MSRA: variants seen among roughly 807,000 people sequenced by gnomAD.
The protein encoded by MSRA is mitochondrial peptide methionine sulfoxide reductase.
In MSRA, 54 loss-of-function variants were observed where a neutral mutation model predicts 31.3. That is an observed-to-expected ratio of 1.73 (90% CI 1.39 to 2.17). The LOEUF is 2.17. Among genes scored for constraint, MSRA ranks in the 30% most tolerant of loss-of-function variants. The pLI is 0.00. For synonymous variants in MSRA, 169 were observed against 116.5 expected (o/e 1.45, Z -2.90); for missense variants, 507 against 300.9 (o/e 1.69, Z -5.07).
chr8:10,357,545 T>C (rs891845690), intron 5 of MSRA, among the ~76,000 whole-genome samples: 1 of 152,220 alleles, frequency 6.6e-6, no homozygotes, highest in Non-Finnish European at 1.5e-5. Flanking sequence ...TCCTTCACAT[T>C]GGCTCTGGGG....
chr8:10,081,433 TC>T (rs1798287446), intron 1 of MSRA, among the ~76,000 whole-genome samples: 1 of 152,164 alleles, frequency 6.6e-6, no homozygotes, highest in Non-Finnish European at 1.5e-5. Context: ...CATGATTACT[TC>T]CGCCTCAAGG....
chr8:10,159,957 G>A (rs958772650), intron 1 of MSRA, among the ~76,000 whole-genome samples: 2 of 152,142 alleles, frequency 1.3e-5, no homozygotes, highest in Non-Finnish European at 2.9e-5. Flanking sequence ...GTTTCCTTTG[G>A]TTTTCCCCAG....
intron 1 of MSRA, among the ~76,000 whole-genome samples, chr8:10,124,283 A>G (rs1585201834): frequency 6.6e-6 from 1 of 152,120 alleles, no homozygotes; most frequent in East Asian, 1.9e-4. Context: ...GAAGATTGGC[A>G]GGCGAGAGAG....
intron 1 of MSRA, among the ~76,000 whole-genome samples, chr8:10,123,711 A>G (rs1801291392): frequency 6.6e-6 from 1 of 152,110 alleles, no homozygotes; most frequent in African/African-American, 2.4e-5. Flanking sequence ...AATCTTCTGC[A>G]TGTGGTTAGC....
chr8:10,391,970 G>T (rs17765901), intron 5 of MSRA, among the ~76,000 whole-genome samples: 59,834 of 152,036 alleles, frequency 0.39, 12,914 homozygotes, highest in Non-Finnish European at 0.5. Flanking sequence ...TCCAAAAGGT[G>T]GTATTTTAGG....
At chr8:10,163,381 G>C (rs1318045902) in intron 1 of MSRA, among the ~76,000 whole-genome samples, 1 of 152,172 alleles carries the variant, frequency 6.6e-6, no homozygotes, top group East Asian at 1.9e-4. Flanking sequence ...CCACCTTATG[G>C]GCTGCTATGA....
chr8:10,260,014 G>A (rs974433388), intron 3 of MSRA, among the ~76,000 whole-genome samples: 2 of 152,376 alleles, frequency 1.3e-5, no homozygotes, highest in East Asian at 3.9e-4. Context: ...CTGCGTCACT[G>A]AGAATGCATC....
At chr8:10,331,915 GT>G (rs1356500316) in intron 5 of MSRA, among the ~76,000 whole-genome samples, 1 of 152,056 alleles carries the variant, frequency 6.6e-6, no homozygotes, top group Non-Finnish European at 1.5e-5. Flanking sequence ...TTGATCTGTG[GT>G]TGGATGAATC....
chr8:10,236,619 G>A (rs944003900), intron 2 of MSRA, among the ~76,000 whole-genome samples: 3 of 152,088 alleles, frequency 2.0e-5, no homozygotes, highest in Non-Finnish European at 4.4e-5. Context: ...ATCTCAGCTC[G>A]CTGCAACCTC....
intron 1 of MSRA, among the ~76,000 whole-genome samples, chr8:10,158,069 C>G (rs1319385809): frequency 6.6e-6 from 1 of 152,182 alleles, no homozygotes; most frequent in Non-Finnish European, 1.5e-5. Context: ...CTTCCTGCTT[C>G]ATAGATGGCA....
chr8:10,138,873 A>C (rs1013908863), intron 1 of MSRA, among the ~76,000 whole-genome samples: 1 of 152,208 alleles, frequency 6.6e-6, no homozygotes, highest in Non-Finnish European at 1.5e-5. Context: ...CAGCAGCAGC[A>C]GCAGCAAGAC....
intron 1 of MSRA, among the ~76,000 whole-genome samples, chr8:10,177,551 G>A (rs561741901): frequency 9.9e-5 from 15 of 152,262 alleles, no homozygotes; most frequent in Non-Finnish European, 2.1e-4. Flanking sequence ...TTACCCTGAT[G>A]GCTATAGAAG....
intron 1 of MSRA, among the ~76,000 whole-genome samples, chr8:10,144,996 C>A (rs1429796367): frequency 6.6e-6 from 1 of 152,120 alleles, no homozygotes; most frequent in African/African-American, 2.4e-5. Flanking sequence ...CCTTTCCCCT[C>A]CCCCCGCCTC....
intron 1 of MSRA, among the ~76,000 whole-genome samples, chr8:10,087,103 G>A (rs562877852): frequency 6.6e-6 from 1 of 152,270 alleles, no homozygotes; most frequent in Non-Finnish European, 1.5e-5. Context: ...AAGCATGGTT[G>A]TGTTTGCAAA....
chr8:10,376,776 A>AT (rs1327277575), intron 5 of MSRA, among the ~76,000 whole-genome samples: 1 of 152,208 alleles, frequency 6.6e-6, no homozygotes, highest in Non-Finnish European at 1.5e-5. Context: ...GGTGCTGAAT[A>AT]TATAAAGACA....
chr8:10,270,358 A>G (rs1290680541), intron 3 of MSRA, among the ~76,000 whole-genome samples: 1 of 151,942 alleles, frequency 6.6e-6, no homozygotes, highest in Admixed American at 6.6e-5. Context: ...CTTCATTTCT[A>G]TTCGTTTTCC....
At chr8:10,263,609 A>G (rs1798594282) in intron 3 of MSRA, among the ~76,000 whole-genome samples, 1 of 152,064 alleles carries the variant, frequency 6.6e-6, no homozygotes, top group Admixed American at 6.5e-5. Context: ...TTTTATTCTC[A>G]CTGCCACCGA....
At chr8:10,130,338 G>A (rs1801807856) in intron 1 of MSRA, among the ~76,000 whole-genome samples, 1 of 152,122 alleles carries the variant, frequency 6.6e-6, no homozygotes, top group African/African-American at 2.4e-5. Context: ...CCTGTGCCCC[G>A]ACTAATGGTA....
intron 3 of MSRA, among the ~76,000 whole-genome samples, chr8:10,292,071 G>T (rs147307388): frequency 1.2e-4 from 18 of 152,270 alleles, no homozygotes; most frequent in African/African-American, 4.3e-4. Context: ...TATTCTAGTC[G>T]CATTAGCTGT....
Sources: gnomAD v4.1 joint callset for allele counts (sites outside exome capture counted in the v4.1 genomes callset) on GRCh38, gnomAD v4.1.1 for gene constraint, MANE v1.5 for transcripts, NCBI Gene and HGNC (gene_info 2026-07-23, HGNC 2026-07-21) for gene names.